Variants in PARD3 observed in about 807,000 individuals in gnomAD.
PARD3 encodes par-3 family cell polarity regulator, also known as partitioning defective 3 homolog.
A neutral mutation model predicts 155.4 loss-of-function variants in PARD3; 75 were observed. The observed-to-expected ratio is 0.48, with a 90% CI of 0.40 to 0.58. The LOEUF is 0.58. PARD3 is among the 20% of genes least tolerant of loss of function. PARD3 has a pLI of 0.00. For missense variants in PARD3, 1,642 were observed against 1,721.7 expected, an observed-to-expected ratio of 0.95 and a Z score of 0.82; for synonymous variants, 576 against 610.5, an observed-to-expected ratio of 0.94 and a Z score of 0.83.
chr10:34,380,328 G>T (rs952444590), intron 9 of PARD3, among the ~76,000 whole-genome samples: 1 of 152,072 alleles, frequency 6.6e-6, no homozygotes, highest in Non-Finnish European at 1.5e-5. Context: ...ATATCATTAA[G>T]ATTACTCAAG....
At chr10:34,766,501 C>G (rs774464120) in intron 1 of PARD3, among the ~76,000 whole-genome samples, 8 of 151,380 alleles carry the variant, frequency 5.3e-5, no homozygotes, top group Non-Finnish European at 1.2e-4. Flanking sequence ...AAAGCTGATT[C>G]GAAACTCCTG....
chr10:34,154,168 AG>A lies in PARD3; in HGVS notation c.3420-22586del, dbSNP rs143046826. Reference sequence around the variant, plus strand: ...TGCAGTTTAATGTTCTCACACATAAAGCAATTAGAGTTTTCTGATGAACAGA... The same window carrying A: ...TGCAGTTTAATGTTCTCACACATAAACAATTAGAGTTTTCTGATGAACAGA... On this transcript the variant is annotated intron_variant, in intron 22 of 24. Transcript: ENST00000374788. 7.0e-3 allele frequency among the ~76,000 whole-genome samples: 1,068 copies of A among 152,316 alleles called. 15 individuals are homozygous for A. Among genetic ancestry groups the A allele is most frequent in the African/African-American group, 0.024 (1,003 of 41,554 alleles).
intron 22 of PARD3, among the ~76,000 whole-genome samples, chr10:34,239,104 A>G (rs1953419344): frequency 6.6e-6 from 1 of 152,246 alleles, no homozygotes; most frequent in Non-Finnish European, 1.5e-5. Flanking sequence ...GTTTGCTTAC[A>G]TGCTTGACAT....
chr10:34,517,535 C>T (rs1057357424), intron 2 of PARD3, among the ~76,000 whole-genome samples: 1 of 152,048 alleles, frequency 6.6e-6, no homozygotes, highest in African/African-American at 2.4e-5. Context: ...TGTGTGTATA[C>T]ACACATGGTA....
intron 7 of PARD3, among the ~76,000 whole-genome samples, chr10:34,392,476 A>C (rs1173896651): frequency 6.6e-6 from 1 of 152,218 alleles, no homozygotes; most frequent in Non-Finnish European, 1.5e-5. Context: ...ATAAATTAAT[A>C]AATAAGATAT....
chr10:34,304,321 C>T (rs1957296229), intron 20 of PARD3, among the ~76,000 whole-genome samples: 1 of 150,374 alleles, frequency 6.7e-6, no homozygotes, highest in African/African-American at 2.5e-5. Flanking sequence ...CAAAGTGAGT[C>T]CCCATCTCTA....
intron 2 of PARD3, among the ~76,000 whole-genome samples, chr10:34,635,157 T>C (rs2092422435): frequency 3.9e-5 from 6 of 152,344 alleles, no homozygotes; most frequent in Admixed American, 3.3e-4. Context: ...ACTGGAGAAA[T>C]GCAGCGACGT....
At chr10:34,350,851 G>T (rs1188302858) in intron 14 of PARD3, among the ~76,000 whole-genome samples, 2 of 151,988 alleles carry the variant, frequency 1.3e-5, no homozygotes, top group Non-Finnish European at 2.9e-5. Flanking sequence ...ATAGCTTTAG[G>T]TTGCGGCAAG....
intron 19 of PARD3, among the ~76,000 whole-genome samples, chr10:34,319,534 G>A (rs913288414): frequency 2.0e-5 from 3 of 152,186 alleles, no homozygotes; most frequent in African/African-American, 7.2e-5. Context: ...AATTGTGCAC[G>A]TTTATTAGAA....
At chr10:34,734,269 A>C (rs2094869794) in intron 1 of PARD3, among the ~76,000 whole-genome samples, 2 of 151,388 alleles carry the variant, frequency 1.3e-5, no homozygotes, top group South Asian at 4.2e-4. Flanking sequence ...CACTTGGAAA[A>C]TCTGCCAAAT....
Position 34,726,562 on chromosome 10 carries a change from G to A in PARD3, c.121-30143C>T, listed in dbSNP as rs143821676. On this transcript the variant is annotated intron_variant, in intron 1 of 24. Transcript: ENST00000374788. Reference sequence around the variant, plus strand: ...TGTGCCACTGAACTCCAGCCTGGGCGACAGAGTGAGACCCTGTCTCAAAAC... The same window carrying A: ...TGTGCCACTGAACTCCAGCCTGGGCAACAGAGTGAGACCCTGTCTCAAAAC... Among the ~76,000 whole-genome samples, 762 of 152,206 alleles carry A rather than the reference G, an allele frequency of 5.0e-3. 7 individuals carry two copies. The highest frequency in any genetic ancestry group is 0.017 in the African/African-American group (720 of 41,538).
chr10:34,805,542 C>CACATAT (rs1554837162), intron 1 of PARD3, among the ~76,000 whole-genome samples: 2 of 140,748 alleles, frequency 1.4e-5, no homozygotes, highest in South Asian at 4.5e-4. Context: ...CACGTATGTG[C>CACATAT]ATATATATAT....
rs1434987798 is a variant in PARD3 at position 34,511,966 on chromosome 10, A to T, written c.403+5013T>A. On this transcript the variant is annotated intron_variant, in intron 3 of 24. Transcript: ENST00000374788. ...GGCTGTTAATTTTATCTTTCTTTGA[A>T]CAGTTTTCCAAATAATAAGCAACTT... is the stretch of plus-strand genomic sequence containing the variant. Among the ~76,000 whole-genome samples, 3 of 152,150 alleles carry T rather than the reference A, an allele frequency of 2.0e-5. No homozygotes were observed. In the East Asian group the frequency reaches 5.8e-4, roughly 29 times the overall value.
intron 12 of PARD3, among the ~76,000 whole-genome samples, chr10:34,371,844 C>T (rs771843735): frequency 2.6e-5 from 4 of 152,026 alleles, no homozygotes; most frequent in East Asian, 1.9e-4. Flanking sequence ...TCCCATATAG[C>T]GCATCATCAC....
At chr10:34,648,164 CAT>C (rs1454388641) in intron 2 of PARD3, among the ~76,000 whole-genome samples, 4 of 152,216 alleles carry the variant, frequency 2.6e-5, no homozygotes, top group African/African-American at 9.6e-5. Flanking sequence ...TCTTAAAATG[CAT>C]ATGTGAACCC....
chr10:34,274,608 G>A (rs912381464), intron 21 of PARD3, among the ~76,000 whole-genome samples: 1 of 152,088 alleles, frequency 6.6e-6, no homozygotes, highest in African/African-American at 2.4e-5. Flanking sequence ...ATTCACATAA[G>A]TCTTGAAGTT....
intron 22 of PARD3, among the ~76,000 whole-genome samples, chr10:34,202,866 T>G (rs1336573244): frequency 6.6e-6 from 1 of 152,096 alleles, no homozygotes; most frequent in East Asian, 1.9e-4. Flanking sequence ...CACAAATGGC[T>G]CAGATTCAGA....
rs1554851811 is a variant in PARD3 at position 34,413,180 on chromosome 10, CAT to C, written c.715-11265_715-11264del. Among the ~76,000 whole-genome samples the C allele has an allele frequency of 2.5e-4, 36 of 145,180 alleles. 1 individual carries two copies. Among genetic ancestry groups the C allele is most frequent in the Admixed American group, 6.9e-4 (10 of 14,428 alleles). ...ACACACACACACACACACACACACACATATATATAAGACTTTGTAACTGATAA... is the reference window on the plus strand; with the variant it reads ...ACACACACACACACACACACACACACATATATAAGACTTTGTAACTGATAA... On this transcript the variant is annotated intron_variant, in intron 5 of 24. Transcript: ENST00000374788.
intron 3 of PARD3, among the ~76,000 whole-genome samples, chr10:34,477,054 T>A (rs942651795): frequency 7.2e-5 from 11 of 152,308 alleles, no homozygotes; most frequent in Admixed American, 7.2e-4. Flanking sequence ...TGGCCTCGGA[T>A]GAATAAAACA....
Sources: gnomAD v4.1 joint callset for allele counts (sites outside exome capture counted in the v4.1 genomes callset) on GRCh38, gnomAD v4.1.1 for gene constraint, MANE v1.5 for transcripts, NCBI Gene and HGNC (gene_info 2026-07-23, HGNC 2026-07-21) for gene names.